The following ANKRD13C variants were observed in gnomAD, a reference collection of about 807,000 sequenced individuals.
ANKRD13C encodes the protein ankyrin repeat domain 13C, also known as ankyrin repeat domain-containing protein 13C.
ANKRD13C carries 16 observed loss-of-function variants against 65.5 expected under a neutral mutation model. The ratio of observed to expected loss-of-function variants is 0.24; its 90% confidence interval spans 0.17 to 0.37. The LOEUF (loss-of-function observed/expected upper bound fraction) is 0.37. ANKRD13C is among the 10% of genes least tolerant of loss of function. The pLI, the probability that ANKRD13C is intolerant of heterozygous loss-of-function variation, is 1.00. For missense variants in ANKRD13C, 503 were observed against 655.9 expected (o/e 0.77, Z 2.55); for synonymous variants, 235 against 238.7 (o/e 0.98, Z 0.14).
In ANKRD13C at chr1:70,262,942, G is replaced by GAAAAAAAAAAAAA; in HGVS notation, c.1496-96_1496-95insTTTTTTTTTTTTT. On this transcript the variant is annotated intron_variant, in intron 12 of 12. Transcript: ENST00000370944. Reference sequence around the variant, plus strand: ...TGGAGATGTCCATACTCCTTAAAATGTAAAAAAAAAAAAAAAAATACTCAA... The same window carrying GAAAAAAAAAAAAA: ...TGGAGATGTCCATACTCCTTAAAATGAAAAAAAAAAAAATAAAAAAAAAAAAAAAAATACTCAA... The GAAAAAAAAAAAAA allele has an allele frequency of 1.6e-5, 5 of 315,446 alleles. No individual in the cohort carries two copies. The South Asian group carries it at 1.9e-4, about 12-fold the overall frequency. The allele number at this position is 315,446 out of a possible 1,614,324, so 19.5% of individuals were successfully genotyped here.
chr1:70,304,674 C>T (rs1048323877), intron 6 of ANKRD13C, among the ~76,000 whole-genome samples: 1 of 152,140 alleles, frequency 6.6e-6, no homozygotes, highest in Non-Finnish European at 1.5e-5. Context: ...GCTGGGATTA[C>T]AGGCATGAGT....
rs1188771545 is a variant in ANKRD13C, at chr1:70,260,179, T to C, written c.*2538A>G. On this transcript the variant is annotated 3_prime_UTR_variant, in exon 13 of 13. Coordinates refer to ENST00000370944, the MANE Select transcript of ANKRD13C (RefSeq NM_030816.5). ...AGATGTGACAGTTTCCAAACCATCA[T>C]CTGTACTTCTTATACTCACAAAAAT... 1.3e-5 allele frequency among the ~76,000 whole-genome samples: 2 copies of C among 152,190 alleles called. No homozygotes were observed. Among genetic ancestry groups the C allele is most frequent in the Non-Finnish European group, 2.9e-5 (2 of 68,002 alleles).
chr1:70,274,850 C>T (rs1188722191), intron 10 of ANKRD13C, 32 bp from the exon 11 acceptor site: 1 of 1,396,032 alleles, frequency 7.2e-7, no homozygotes, highest in Non-Finnish European at 1.0e-6. Flanking sequence ...TGTTAGGAAA[C>T]TTTTTCCATA....
chr1:70,259,116 C>T lies in ANKRD13C; in HGVS notation c.*3601G>A, dbSNP rs193270509. Among the ~76,000 whole-genome samples the T allele has an allele frequency of 2.0e-5, 3 of 152,198 alleles. No individual in the cohort carries two copies. In the South Asian group the frequency reaches 6.2e-4, roughly 32 times the overall value. ...CAATGACAAAATCACCTGATGCATT[C>T]CACAGAACATGTACCCATCATTAAG... On this transcript the variant is annotated 3_prime_UTR_variant, in exon 13 of 13. Transcript: ENST00000370944.
intron 5 of ANKRD13C, among the ~76,000 whole-genome samples, chr1:70,306,987 G>A (rs954713776): frequency 7.9e-5 from 12 of 152,034 alleles, no homozygotes; most frequent in African/African-American, 1.2e-4. Context: ...AAACTACCAC[G>A]TACAAAGAAA....
In ANKRD13C at chr1:70,294,159, C is replaced by A. The variant is rs559602071; in HGVS notation, c.1054-1610G>T. Among the ~76,000 whole-genome samples, 22 of 152,148 alleles carry A rather than the reference C, an allele frequency of 1.4e-4. No individual in the cohort carries two copies. In the South Asian group the frequency reaches 1.5e-3, roughly 10 times the overall value. On this transcript the variant is annotated intron_variant, in intron 8 of 12. Transcript: ENST00000370944. ...AAAGCCAGCTGCAAAACAGTAGATA[C>A]GATATGACACGACACTTTATGAAAA...
intron 1 of ANKRD13C, among the ~76,000 whole-genome samples, chr1:70,338,444 CA>C (rs1342838685): frequency 6.6e-6 from 1 of 152,064 alleles, no homozygotes; most frequent in African/African-American, 2.4e-5. Flanking sequence ...TTCTGTTGTC[CA>C]GGCTGGAGTG....
At chr1:70,328,149 G>C (rs1322264480) in intron 2 of ANKRD13C, among the ~76,000 whole-genome samples, 1 of 152,030 alleles carries the variant, frequency 6.6e-6, no homozygotes, top group African/African-American at 2.4e-5. Context: ...AGTCTATATG[G>C]AAAGCATTTG....
Position 70,276,857 on chromosome 1 carries a change from AAAAAG to A in ANKRD13C, c.1216-18_1216-14del. 1.3e-6 allele frequency: 2 copies of A among 1,581,430 alleles called. No individual in the cohort carries two copies. The highest frequency in any genetic ancestry group is 1.2e-5 in the South Asian group (1 of 84,766). On this transcript the variant is annotated splice_polypyrimidine_tract_variant and intron_variant, in intron 9 of 12. Coordinates refer to ENST00000370944, the MANE Select transcript of ANKRD13C (RefSeq NM_030816.5). ...GTCTTCGAATCGGCTGCCAAAAAAA[AAAAAG>A]AAAGAAAGTGGGGTGGGGGAGAAAG...
chr1:70,267,415 G>A (rs1475002153), intron 12 of ANKRD13C, among the ~76,000 whole-genome samples: 1 of 151,960 alleles, frequency 6.6e-6, no homozygotes, highest in African/African-American at 2.4e-5. Flanking sequence ...ACCCAGGCTG[G>A]AATGAGTACA....
At chr1:70,339,876 G>T (rs1682233836) in intron 1 of ANKRD13C, among the ~76,000 whole-genome samples, 1 of 144,370 alleles carries the variant, frequency 6.9e-6, no homozygotes, top group South Asian at 2.2e-4. Context: ...TTGAAACAGG[G>T]TCTTGCTCTG....
intron 9 of ANKRD13C, among the ~76,000 whole-genome samples, 194 bp from the exon 10 acceptor site, chr1:70,277,038 A>AT (rs1165004321): frequency 6.6e-6 from 1 of 151,570 alleles, no homozygotes; most frequent in African/African-American, 2.4e-5. Context: ...TTTATTATCA[A>AT]TTTTTTTTTA....
intron 8 of ANKRD13C, among the ~76,000 whole-genome samples, chr1:70,294,210 C>T (rs1679979707): frequency 6.6e-6 from 1 of 152,122 alleles, no homozygotes; most frequent in Non-Finnish European, 1.5e-5. Flanking sequence ...CAAAAGGCTA[C>T]CTATTATTAT....
At chr1:70,271,938 T>C (rs1678900445) in intron 11 of ANKRD13C, among the ~76,000 whole-genome samples, 2 of 152,238 alleles carry the variant, frequency 1.3e-5, no homozygotes, top group South Asian at 2.1e-4. Context: ...TTCTACTGAA[T>C]TCACCAAGAG....
chr1:70,291,459 G>A lies in ANKRD13C; in HGVS notation c.1215+929C>T, dbSNP rs1679865714. Reference sequence around the variant, plus strand: ...CACTTCACAGAGGAATAAGATTTGAGGAGCAGTTACCATGTCTCATACATC... The same window carrying A: ...CACTTCACAGAGGAATAAGATTTGAAGAGCAGTTACCATGTCTCATACATC... On this transcript the variant is annotated intron_variant, in intron 9 of 12. Transcript: ENST00000370944. Among the ~76,000 whole-genome samples, 3 of 152,266 alleles carry A rather than the reference G, an allele frequency of 2.0e-5. No individual in the cohort carries two copies. The South Asian group carries it at 6.2e-4, about 32-fold the overall frequency.
At chr1:70,326,331 A>G (rs1681544830) in intron 2 of ANKRD13C, among the ~76,000 whole-genome samples, 1 of 151,214 alleles carries the variant, frequency 6.6e-6, no homozygotes, top group Admixed American at 6.6e-5. Context: ...CATTATATGC[A>G]ATTTCTAAAT....
intron 5 of ANKRD13C, among the ~76,000 whole-genome samples, chr1:70,308,714 G>A (rs1680701547): frequency 6.7e-6 from 1 of 149,252 alleles, no homozygotes; most frequent in African/African-American, 2.5e-5. Context: ...GCTCCAGCCT[G>A]GGCGACAGAG....
At chr1:70,320,949 C>G (rs541980417) in intron 3 of ANKRD13C, among the ~76,000 whole-genome samples, 57 of 151,950 alleles carry the variant, frequency 3.8e-4, no homozygotes, top group Non-Finnish European at 1.3e-4. Context: ...ACTACCACAC[C>G]AGCTAATTTT....
At chr1:70,283,769 T>C (rs1040788020) in intron 9 of ANKRD13C, among the ~76,000 whole-genome samples, 1 of 151,802 alleles carries the variant, frequency 6.6e-6, no homozygotes, top group Non-Finnish European at 1.5e-5. Flanking sequence ...GATCACGCCA[T>C]TGCACTCCAG....
Sources: gnomAD v4.1 joint callset for allele counts (sites outside exome capture counted in the v4.1 genomes callset) on GRCh38, gnomAD v4.1.1 for gene constraint, MANE v1.5 for transcripts, NCBI Gene and HGNC (gene_info 2026-07-23, HGNC 2026-07-21) for gene names.